The following TEX9 variants were observed in gnomAD, a reference collection of about 807,000 sequenced individuals.
TEX9 encodes the protein testis-expressed protein 9.
In TEX9, 74 loss-of-function variants were observed where a neutral mutation model predicts 59.6. The ratio of observed to expected loss-of-function variants is 1.24; its 90% confidence interval spans 1.03 to 1.51. TEX9 has a LOEUF of 1.51. Among genes scored for constraint, TEX9 ranks in the 40% most tolerant of loss-of-function variants. The probability of loss-of-function intolerance (pLI) is 0.00; values close to 1 mark genes in which losing one functional copy is unlikely to be tolerated. For missense variants in TEX9, 522 were observed against 447.8 expected (o/e 1.17, Z -1.49); for synonymous variants, 186 against 152.2 (o/e 1.22, Z -1.64).
rs4774238 is a variant in TEX9, at chr15:56,331,349, C to A, written c.-106-42092C>A. On this transcript the variant is annotated intron_variant, in intron 1 of 5. Transcript: ENST00000560827. Reference sequence around the variant, plus strand: ...CATTTCATCCAAGGGCTGCAGAATACGCATTCTTCTCCTCAGCACATAAAT... The same window carrying A: ...CATTTCATCCAAGGGCTGCAGAATAAGCATTCTTCTCCTCAGCACATAAAT... 9.2e-5 allele frequency among the ~76,000 whole-genome samples: 14 copies of A among 151,990 alleles called. No individual in the cohort carries two copies. In the East Asian group the frequency reaches 9.6e-4, roughly 10 times the overall value.
chr15:56,329,311 G>A (rs1454081661), intron 1 of TEX9, among the ~76,000 whole-genome samples: 3 of 152,070 alleles, frequency 2.0e-5, no homozygotes, highest in Admixed American at 2.0e-4. Flanking sequence ...TAAGAAGTAT[G>A]GATAAAGAAG....
intron 2 of TEX9, among the ~76,000 whole-genome samples, chr15:56,368,489 T>G (rs2047046131): frequency 6.6e-6 from 1 of 152,148 alleles, no homozygotes; most frequent in African/African-American, 2.4e-5. Flanking sequence ...AAGCTTTTTA[T>G]AATTAGAGAT....
At chr15:56,424,392 A>T (rs1203165558) in intron 10 of TEX9, among the ~76,000 whole-genome samples, 1 of 152,170 alleles carries the variant, frequency 6.6e-6, no homozygotes, top group African/African-American at 2.4e-5. Context: ...ATCTAAAGTT[A>T]GTTGCATGTA....
chr15:56,394,039 A>G (rs2048338390), intron 7 of TEX9, 126 bp from the exon 8 acceptor site: 2 of 762,172 alleles, frequency 2.6e-6, no homozygotes, highest in Admixed American at 5.8e-5. Context: ...GTGCCCCCTA[A>G]CAGATATCTC....
At chr15:56,264,985 C>T (rs746951884) in intron 1 of TEX9, among the ~76,000 whole-genome samples, 3 of 152,148 alleles carry the variant, frequency 2.0e-5, no homozygotes, top group Non-Finnish European at 4.4e-5. Flanking sequence ...CAATATCACC[C>T]TCTGTCTTGG....
intron 1 of TEX9, among the ~76,000 whole-genome samples, chr15:56,331,660 AAG>A (rs2046148021): frequency 6.6e-6 from 1 of 152,168 alleles, no homozygotes; most frequent in African/African-American, 2.4e-5. Flanking sequence ...AAGCAGTACT[AAG>A]AGGGAATTTT....
intron 3 of TEX9, among the ~76,000 whole-genome samples, chr15:56,378,071 A>C (rs925801705): frequency 2.0e-5 from 3 of 152,302 alleles, no homozygotes; most frequent in South Asian, 4.1e-4. Flanking sequence ...GGTAAATCCC[A>C]CATGGTCATG....
chr15:56,273,698 T>C (rs142892158), intron 1 of TEX9, among the ~76,000 whole-genome samples: 258 of 152,362 alleles, frequency 1.7e-3, no homozygotes, highest in African/African-American at 6.0e-3. Context: ...AAGATAGTTC[T>C]GCAACATATA....
chr15:56,437,288 C>T (rs1416271417), intron 12 of TEX9, among the ~76,000 whole-genome samples: 1 of 152,160 alleles, frequency 6.6e-6, no homozygotes, highest in Non-Finnish European at 1.5e-5. Flanking sequence ...GGCTTCATCC[C>T]TGGAAGGCAA....
At chr15:56,316,945 CAGAA>C (rs2045784949) in intron 1 of TEX9, among the ~76,000 whole-genome samples, 1 of 152,198 alleles carries the variant, frequency 6.6e-6, no homozygotes, top group South Asian at 2.1e-4. Flanking sequence ...TTCTTTGACT[CAGAA>C]AGGGAACTCC....
upstream of TEX9, among the ~76,000 whole-genome samples, chr15:56,361,393 T>C: frequency 6.6e-6 from 1 of 152,242 alleles, no homozygotes; most frequent in East Asian, 1.9e-4. Flanking sequence ...TGATAAGTTA[T>C]ATTTCAAATT....
At chr15:56,272,539 T>A (rs564980350) in intron 1 of TEX9, among the ~76,000 whole-genome samples, 1 of 152,244 alleles carries the variant, frequency 6.6e-6, no homozygotes, top group Non-Finnish European at 1.5e-5. Context: ...GTTTTCACTT[T>A]CTGGCTATTT....
At chr15:56,276,493 G>A (rs2141427667) in intron 1 of TEX9, among the ~76,000 whole-genome samples, 1 of 152,250 alleles carries the variant, frequency 6.6e-6, no homozygotes, top group East Asian at 1.9e-4. Flanking sequence ...CCATGTCCCT[G>A]CAAAGGACAT....
In TEX9 at chr15:56,390,082, C is replaced by CT. The variant is rs531765371; in HGVS notation, c.395+693dup. ...TTTTGTGTCTTAATTGTTTAAATAA[C>CT]TTTTTTTTTTTAATAAAAGGGATGG... On this transcript the variant is annotated intron_variant, in intron 6 of 12. Transcript: ENST00000352903. Among the ~76,000 whole-genome samples the CT allele has an allele frequency of 8.4e-4, 122 of 145,360 alleles. 1 individual carries two copies. The highest frequency in any genetic ancestry group is 1.8e-3 in the East Asian group (9 of 5,046).
chr15:56,301,356 C>A (rs550944136), intron 1 of TEX9, among the ~76,000 whole-genome samples: 1 of 151,860 alleles, frequency 6.6e-6, no homozygotes, highest in South Asian at 2.1e-4. Context: ...CTCAAAAGGG[C>A]AAATATAAGA....
At chr15:56,430,762 G>T (rs1045726401) in intron 12 of TEX9, among the ~76,000 whole-genome samples, 1 of 152,064 alleles carries the variant, frequency 6.6e-6, no homozygotes, top group Admixed American at 6.6e-5. Flanking sequence ...CCTATTACTG[G>T]TGTTACCAGT....
chr15:56,306,916 T>A (rs769819907), intron 1 of TEX9, among the ~76,000 whole-genome samples: 29 of 152,326 alleles, frequency 1.9e-4, no homozygotes, highest in South Asian at 8.3e-4. Flanking sequence ...AAGAAACTTA[T>A]ACCGGCCATT....
intron 1 of TEX9, among the ~76,000 whole-genome samples, chr15:56,271,228 A>G (rs556375720): frequency 2.6e-5 from 4 of 152,090 alleles, no homozygotes; most frequent in Admixed American, 2.6e-4. Flanking sequence ...CCTGAAGAGT[A>G]TTTTCGAGCT....
chr15:56,400,214 C>G (rs1567124725), intron 9 of TEX9, among the ~76,000 whole-genome samples: 1 of 152,230 alleles, frequency 6.6e-6, no homozygotes, highest in African/African-American at 2.4e-5. Flanking sequence ...TCTAACCCAA[C>G]ACAAGGAAGC....
Sources: allele counts gnomAD v4.1 joint callset (sites outside exome capture counted in the v4.1 genomes callset), GRCh38; gene constraint gnomAD v4.1.1; transcripts MANE v1.5; gene names NCBI Gene and HGNC (gene_info 2026-07-23, HGNC 2026-07-21).